Variants in ZNF525 observed in about 807,000 individuals in gnomAD.
ZNF525 encodes zinc finger protein 525.
Under a neutral mutation model 37.6 loss-of-function variants are expected in ZNF525, and 33 were observed. The ratio of observed to expected loss-of-function variants is 0.88; its 90% CI spans 0.67 to 1.17. ZNF525 has a LOEUF of 1.17. ZNF525 is among the 50% of genes most tolerant of loss of function. ZNF525 has a pLI of 0.00. For missense variants in ZNF525, 449 were observed against 543.1 expected, an observed-to-expected ratio of 0.83 and a Z score of 1.72; for synonymous variants, 170 against 182.3, an observed-to-expected ratio of 0.93 and a Z score of 0.54.
chr19:53,379,118 C>CT (rs574789367), intron 3 of ZNF525, among the ~76,000 whole-genome samples: 40 of 147,774 alleles, frequency 2.7e-4, no homozygotes, highest in African/African-American at 4.4e-4. Context: ...TTAGTCAATT[C>CT]TTTTTTTTTT....
chr19:53,378,394 G>A (rs1320677754), intron 3 of ZNF525, among the ~76,000 whole-genome samples: 1 of 152,160 alleles, frequency 6.6e-6, no homozygotes, highest in Admixed American at 6.5e-5. Flanking sequence ...GGTGGAGGTT[G>A]TAGTGAGCCA....
At chr19:53,377,920 A>G (rs11666289) in intron 3 of ZNF525, among the ~76,000 whole-genome samples, 61,303 of 151,992 alleles carry the variant, frequency 0.4, 15,041 homozygotes, top group Admixed American at 0.54. Context: ...TGCAAAATTT[A>G]TAGTACAGGC....
At position 53,368,905 on chromosome 19, in the gene ZNF525, G is replaced by A. The variant is rs114740132; in HGVS notation, c.-68+3146G>A. On this transcript the variant is annotated intron_variant, in intron 1 of 3. Transcript: ENST00000474037. Reference sequence around the variant, plus strand: ...ATTTTGGTAAGCATGATTGTCCTTTGTTGTGTGCTGGGGTGCCACGATATG... The same window carrying A: ...ATTTTGGTAAGCATGATTGTCCTTTATTGTGTGCTGGGGTGCCACGATATG... Among the ~76,000 whole-genome samples the A allele has an allele frequency of 6.9e-3, 1,048 of 152,200 alleles. 12 individuals carry two copies. The highest frequency in any genetic ancestry group is 0.024 in the African/African-American group (992 of 41,526).
chr19:53,376,191 T>G, intron 3 of ZNF525: 2 of 739,174 alleles, frequency 2.7e-6, no homozygotes, highest in Non-Finnish European at 4.8e-6. Flanking sequence ...CAAGACATCC[T>G]CCTCGGCCTC....
intron 3 of ZNF525, among the ~76,000 whole-genome samples, chr19:53,377,764 G>A (rs1251072394): frequency 6.6e-6 from 1 of 151,984 alleles, no homozygotes; most frequent in African/African-American, 2.4e-5. Flanking sequence ...GTTTCACTGT[G>A]TTAGCAAGAA....
chr19:53,375,605 A>C (rs2085515894), intron 2 of ZNF525, among the ~76,000 whole-genome samples, 165 bp from the exon 3 acceptor site: 1 of 152,122 alleles, frequency 6.6e-6, no homozygotes, highest in South Asian at 2.1e-4. Flanking sequence ...AAAGTATAAC[A>C]AAACACAACT....
intron 3 of ZNF525, chr19:53,376,181 C>G (rs2085520808): frequency 1.3e-6 from 1 of 758,606 alleles, no homozygotes; most frequent in African/African-American, 1.7e-5. Flanking sequence ...CTCCTGGGCT[C>G]AAGACATCCT....
At position 53,385,681 on chromosome 19, in the gene ZNF525, T is replaced by C. The variant is rs909589081; in HGVS notation, c.*3662T>C. The C allele has an allele frequency of 4.5e-5, 7 of 154,794 alleles. No homozygotes were observed. The highest frequency in any genetic ancestry group is 1.7e-4 in the African/African-American group (7 of 41,432). The allele number at this position is 154,794 out of a possible 1,614,324, so 9.6% of individuals were successfully genotyped here. ...CAGCATGGGTGATGGAGAGAGATAC[T>C]GTCTTAAAAAAAGAATACTTGTGGT... On this transcript the variant is annotated 3_prime_UTR_variant, in exon 4 of 4. Transcript: ENST00000474037.
chr19:53,376,088 G>C (rs939695343), intron 3 of ZNF525, 192 bp downstream of exon 3: 35 of 1,239,336 alleles, frequency 2.8e-5, no homozygotes, highest in Non-Finnish European at 4.0e-5. Context: ...AGTGGTACAG[G>C]TGCATGCCAC....
Position 53,383,415 on chromosome 19 carries a change from G to C in ZNF525, c.*1396G>C. 1.8e-6 allele frequency: 2 copies of C among 1,084,542 alleles called. No individual in the cohort carries two copies. Among genetic ancestry groups the C allele is most frequent in the African/African-American group, 3.2e-5 (2 of 63,444 alleles). The allele number at this position is 1,084,542 out of a possible 1,614,324, so 67.2% of individuals were successfully genotyped here. A position where few individuals can be genotyped will look rare whatever the true frequency, so the allele number is the denominator to read the frequency against. On this transcript the variant is annotated 3_prime_UTR_variant, in exon 4 of 4. Coordinates refer to ENST00000474037, the MANE Select transcript of ZNF525 (RefSeq NM_001348156.2). ...GAAACCTTAGAAATGTGAAGAATGT[G>C]ACAAAGTTTACAGTCGCAAATCAAA...
At chr19:53,377,823 G>A (rs1321932649) in intron 3 of ZNF525, among the ~76,000 whole-genome samples, 1 of 152,074 alleles carries the variant, frequency 6.6e-6, no homozygotes, top group Non-Finnish European at 1.5e-5. Flanking sequence ...GCCTCCCAAA[G>A]TGCTGGGATT....
At chr19:53,372,664 C>T (rs554099206) in intron 2 of ZNF525, among the ~76,000 whole-genome samples, 2,578 of 152,286 alleles carry the variant, frequency 0.017, 29 homozygotes, top group Non-Finnish European at 0.023. Flanking sequence ...AAGTCACGCA[C>T]TAATGTGCAC....
Position 53,381,284 on chromosome 19 carries a change from T to A in ZNF525, c.705T>A (p.Ile235=). Residue 235 remains isoleucine, a synonymous_variant, in exon 4 of 4, where the codon ATT becomes ATA. Coordinates refer to ENST00000474037, the MANE Select transcript of ZNF525 (RefSeq NM_001348156.2). ...NYSSLLRKHQ[I]IHLGEKQYKC... ...GCTCACTCTTAAGGAAACATCAGAT[T>A]ATTCATCTAGGAGAGAAACAATATA... 6.9e-7 allele frequency: 1 copy of A among 1,443,836 alleles called. No individual in the cohort carries two copies. The highest frequency in any genetic ancestry group is 1.1e-5 in the South Asian group (1 of 87,506). 89.4% of individuals were successfully genotyped at this position (1,443,836 alleles called of 1,614,324 possible).
chr19:53,369,089 C>T (rs72483988), intron 1 of ZNF525, among the ~76,000 whole-genome samples: 4 of 152,146 alleles, frequency 2.6e-5, no homozygotes, highest in East Asian at 1.9e-4. Flanking sequence ...AATAGGCCCT[C>T]GGTAAAAGGG....
Position 53,373,359 on chromosome 19 carries a change from G to T in ZNF525, c.15+1063G>T, listed in dbSNP as rs185851712. On this transcript the variant is annotated intron_variant, in intron 2 of 3. Transcript: ENST00000474037. ...TCTGCCTGCCTCAGCCTCCAGGAGT[G>T]CTGAGATTACAGGCATGAGCCACCA... Among the ~76,000 whole-genome samples, 397 of 152,204 alleles carry T rather than the reference G, an allele frequency of 2.6e-3. 6 individuals carry two copies. Among genetic ancestry groups the T allele is most frequent in the African/African-American group, 8.4e-3 (348 of 41,532 alleles).
At chr19:53,366,997 A>G (rs1265470723) in intron 1 of ZNF525, among the ~76,000 whole-genome samples, 1 of 152,124 alleles carries the variant, frequency 6.6e-6, no homozygotes, top group African/African-American at 2.4e-5. Context: ...TTTTGCTTTC[A>G]GAAGCAGAGT....
Position 53,382,759 on chromosome 19 carries a change from C to A in ZNF525, c.*740C>A. The A allele has an allele frequency of 1.1e-6, 1 of 919,650 alleles. No individual in the cohort carries two copies. The highest frequency in any genetic ancestry group is 1.7e-6 in the Non-Finnish European group (1 of 573,026). The allele number at this position is 919,650 out of a possible 1,614,324, so 57.0% of individuals were successfully genotyped here. ...AGTGTGATAAATGTGACAAATTTTT[C>A]AGACATCGTTCATACCTTGCAGTTC... On this transcript the variant is annotated 3_prime_UTR_variant, in exon 4 of 4. Coordinates refer to ENST00000474037, the MANE Select transcript of ZNF525 (RefSeq NM_001348156.2).
Position 53,381,124 on chromosome 19 carries a change from G to A in ZNF525, c.545G>A (p.Cys182Tyr). 7.1e-7 allele frequency: 1 copy of A among 1,416,222 alleles called. No homozygotes were observed. Among genetic ancestry groups the A allele is most frequent in the South Asian group, 1.2e-5 (1 of 86,816 alleles). The allele number at this position is 1,416,222 out of a possible 1,614,324, so 87.7% of individuals were successfully genotyped here. The change falls in exon 4 of 4, where the codon TGT becomes TAT. Residue 182 changes from cysteine (C) to tyrosine (Y), a missense_variant. Around this residue, in one of 2 missense-constraint regions of ZNF525, gnomAD observed 271 missense variants for 381.6 expected, o/e 0.71. Coordinates refer to ENST00000474037, the MANE Select transcript of ZNF525 (RefSeq NM_001348156.2). ...SSVSTAQRIS[C>Y]RPKTHISNNY... Reference sequence around the variant, plus strand: ...GTTTCAACAGCCCAAAGAATTTCTTGTAGGCCCAAAACCCATATATCTAAT... The same window carrying A: ...GTTTCAACAGCCCAAAGAATTTCTTATAGGCCCAAAACCCATATATCTAAT...
Position 53,380,874 on chromosome 19 carries a change from T to C in ZNF525, c.295T>C (p.Phe99Leu), listed in dbSNP as rs1328863734. ...EIEKDIHNFE[F>L]QWQEDERNGH... ...TGAGAAAGATATTCATAACTTTGAG[T>C]TTCAGTGGCAAGAAGATGAAAGAAA... Residue 99 changes from phenylalanine (F) to leucine (L), a missense_variant, in exon 4 of 4, where the codon TTT becomes CTT. Around this residue, in one of 2 missense-constraint regions of ZNF525, gnomAD observed 271 missense variants for 381.6 expected, o/e 0.71. Transcript: ENST00000474037. 1.4e-6 allele frequency: 2 copies of C among 1,472,214 alleles called. No homozygotes were observed. The highest frequency in any genetic ancestry group is 1.9e-6 in the Non-Finnish European group (2 of 1,050,918). 91.2% of individuals were successfully genotyped at this position (1,472,214 alleles called of 1,614,324 possible).
Sources: allele counts gnomAD v4.1 joint callset (sites outside exome capture counted in the v4.1 genomes callset), GRCh38; gene constraint gnomAD v4.1.1; regional missense constraint gnomAD v4.1.1; transcripts MANE v1.5; gene names NCBI Gene and HGNC (gene_info 2026-07-23, HGNC 2026-07-21).